Variants in ACSF3 observed in about 807,000 individuals in gnomAD.
ACSF3 encodes the protein malonate--CoA ligase ACSF3, mitochondrial.
Under a neutral mutation model 53.2 loss-of-function variants are expected in ACSF3, and 78 were observed. That is an observed-to-expected ratio of 1.47 (90% CI 1.22 to 1.77). ACSF3 has a LOEUF of 1.77. Among genes scored for constraint, ACSF3 ranks in the 40% most tolerant of loss-of-function variants. ACSF3 has a pLI of 0.00. For synonymous variants in ACSF3, 414 were observed against 333.1 expected (o/e 1.24, Z -2.65); for missense variants, 937 against 771.1 (o/e 1.22, Z -2.55).
rs188803327 is a variant in ACSF3 at position 89,154,610 on chromosome 16, C to T, written c.*403C>T. Reference sequence around the variant, plus strand: ...ACAAGCCCCTGTCCCACGCCGTCTGCACGTGCCTGTGCCTCACCCAGAGCC... The same window carrying T: ...ACAAGCCCCTGTCCCACGCCGTCTGTACGTGCCTGTGCCTCACCCAGAGCC... On this transcript the variant is annotated 3_prime_UTR_variant, in exon 11 of 11. Transcript: ENST00000614302. 752 of 455,890 alleles carry T rather than the reference C, an allele frequency of 1.6e-3. 3 individuals carry two copies. Among genetic ancestry groups the T allele is most frequent in the African/African-American group, 0.014 (680 of 50,186 alleles). 28.2% of individuals were successfully genotyped at this position (455,890 alleles called of 1,614,324 possible).
intron 4 of ACSF3, among the ~76,000 whole-genome samples, chr16:89,105,825 C>T (rs1237702771): frequency 6.6e-5 from 10 of 152,140 alleles, no homozygotes; most frequent in Non-Finnish European, 1.3e-4. Context: ...TTGGTTCCAT[C>T]GTCCCGGAGG....
chr16:89,151,377 G>A (rs916547362), intron 10 of ACSF3: 1 of 370,840 alleles, frequency 2.7e-6, no homozygotes, highest in Non-Finnish European at 5.3e-6. Flanking sequence ...AGAGTGGGGA[G>A]GAACACTTCC....
chr16:89,105,958 C>T (rs1975927604), intron 4 of ACSF3, among the ~76,000 whole-genome samples: 1 of 152,222 alleles, frequency 6.6e-6, no homozygotes, highest in Non-Finnish European at 1.5e-5. Context: ...GCTGCTTCTC[C>T]AGCACTGCAT....
At position 89,120,465 on chromosome 16, in the gene ACSF3, G is replaced by C. The variant is rs1016027592; in HGVS notation, c.1127-336G>C. ...ATGACACCAGAATCTGTGGGCAGCTGTGAGGCTTTGGGAAGTAACTGGGAA... is the reference window on the plus strand; with the variant it reads ...ATGACACCAGAATCTGTGGGCAGCTCTGAGGCTTTGGGAAGTAACTGGGAA... On this transcript the variant is annotated intron_variant, in intron 6 of 10. Coordinates refer to ENST00000614302, the MANE Select transcript of ACSF3 (RefSeq NM_001243279.3). Among the ~76,000 whole-genome samples, 3 of 152,244 alleles carry C rather than the reference G, an allele frequency of 2.0e-5. No individual in the cohort carries two copies. In the East Asian group the frequency reaches 5.8e-4, roughly 29 times the overall value.
chr16:89,100,497 T>G, intron 2 of ACSF3, 165 bp from the exon 3 acceptor site: 1 of 671,098 alleles, frequency 1.5e-6, no homozygotes. Flanking sequence ...GTTCCAGCAG[T>G]GTGGGTGAGA....
At chr16:89,099,028 A>T (rs904473346) in intron 2 of ACSF3, among the ~76,000 whole-genome samples, 6 of 152,388 alleles carry the variant, frequency 3.9e-5, no homozygotes, top group Middle Eastern at 3.4e-3. Context: ...CAGAGCCCAG[A>T]GGGTGCTTCC....
Position 89,102,769 on chromosome 16 carries a change from G to A in ACSF3, c.822+10G>A, listed in dbSNP as rs771232327. ...GTTCAGCCCTCAGCAGGTGAGTTGG[G>A]GTCAGGGCTCTCGGTTGCACCCTCA... is the stretch of plus-strand genomic sequence containing the variant. On this transcript the variant is annotated intron_variant, in intron 4 of 10. Coordinates refer to ENST00000614302, the MANE Select transcript of ACSF3 (RefSeq NM_001243279.3). 6.2e-7 allele frequency: 1 copy of A among 1,603,392 alleles called. No individual in the cohort carries two copies. The highest frequency in any genetic ancestry group is 8.5e-7 in the Non-Finnish European group (1 of 1,174,668).
chr16:89,120,987 C>T, intron 7 of ACSF3, 74 bp downstream of exon 7: 2 of 1,330,800 alleles, frequency 1.5e-6, no homozygotes, highest in South Asian at 2.4e-5. Context: ...TACACTGGTG[C>T]ATCTTTCCCC....
intron 10 of ACSF3, among the ~76,000 whole-genome samples, chr16:89,147,118 C>T (rs137920573): frequency 3.4e-5 from 5 of 146,198 alleles, no homozygotes; most frequent in African/African-American, 5.1e-5. Context: ...CCTACATGGC[C>T]GGAGCAGGAG....
chr16:89,094,746 T>TG (rs1436365753), intron 1 of ACSF3, among the ~76,000 whole-genome samples: 1 of 152,032 alleles, frequency 6.6e-6, no homozygotes, highest in Non-Finnish European at 1.5e-5. Context: ...AATGTAAAAA[T>TG]TAGCTGGGTG....
chr16:89,104,005 G>C (rs1975680353), intron 4 of ACSF3, among the ~76,000 whole-genome samples: 1 of 152,212 alleles, frequency 6.6e-6, no homozygotes, highest in African/African-American at 2.4e-5. Context: ...CTGTCAGTTG[G>C]GGATGGCGGT....
chr16:89,109,366 T>TTCAG (rs373117771), intron 4 of ACSF3, among the ~76,000 whole-genome samples: 171 of 151,136 alleles, frequency 1.1e-3, no homozygotes, highest in African/African-American at 3.8e-3. Flanking sequence ...TGTCACTGGC[T>TTCAG]TCAGTTTGCG....
chr16:89,099,624 A>G (rs995002042), intron 2 of ACSF3, among the ~76,000 whole-genome samples: 1 of 152,068 alleles, frequency 6.6e-6, no homozygotes, highest in African/African-American at 2.4e-5. Context: ...TCTACTAACA[A>G]TACAAAAATT....
intron 10 of ACSF3, among the ~76,000 whole-genome samples, chr16:89,147,181 GGA>G (rs1913135933): frequency 1.1e-5 from 1 of 92,764 alleles, no homozygotes; most frequent in African/African-American, 4.2e-5. Context: ...GTCCACAGAG[GGA>G]GGGAGGGTCC....
intron 7 of ACSF3, chr16:89,122,311 A>G: frequency 1.1e-5 from 4 of 354,348 alleles, no homozygotes; most frequent in South Asian, 8.2e-5. Flanking sequence ...GCCATGGGGC[A>G]ACTTGCTGAA....
rs532708853 is a variant in ACSF3, at chr16:89,135,785, T to C, written c.1366+2523T>C. On this transcript the variant is annotated intron_variant, in intron 8 of 10. Transcript: ENST00000614302. ...GCAGTTGTTTTATTTATTTAGTTAG[T>C]TATTTTTGAGACGGAGTCTCGCTCT... Among the ~76,000 whole-genome samples, 13 of 152,356 alleles carry C rather than the reference T, an allele frequency of 8.5e-5. No individual in the cohort carries two copies. In the South Asian group the frequency reaches 2.5e-3, roughly 29 times the overall value.
intron 10 of ACSF3, chr16:89,151,094 C>G (rs769916386): frequency 7.9e-7 from 1 of 1,263,272 alleles, no homozygotes; most frequent in South Asian, 1.2e-5. Flanking sequence ...AACGAAACCT[C>G]GCCTCAGGCA....
chr16:89,100,881 C>G lies in ACSF3; in HGVS notation c.200C>G (p.Thr67Arg). ...IALVDQHGRHTYRELYSRSLR... is the reference protein window; with the variant it reads ...IALVDQHGRHRYRELYSRSLR... ...CTGGTTGACCAGCACGGCCGCCACA[C>G]GTACAGGGAGCTTTATTCCCGCAGC... is the stretch of plus-strand genomic sequence containing the variant. Residue 67 changes from threonine (T) to arginine (R), a missense_variant, in exon 3 of 11, where the codon ACG (threonine) becomes AGG (arginine). By Grantham distance (71) the Thr-to-Arg change is moderately conservative (BLOSUM62 -1). Coordinates refer to ENST00000614302, the MANE Select transcript of ACSF3 (RefSeq NM_001243279.3). 1.2e-6 allele frequency: 2 copies of G among 1,613,816 alleles called. No homozygotes were observed. The highest frequency in any genetic ancestry group is 2.2e-5 in the East Asian group (1 of 44,892).
At chr16:89,101,896 G>T (rs1236717462) in intron 3 of ACSF3, among the ~76,000 whole-genome samples, 1 of 152,214 alleles carries the variant, frequency 6.6e-6, no homozygotes, top group Admixed American at 6.5e-5. Context: ...GTCGTGGGCT[G>T]ACGAGGCGCC....
Sources: allele counts gnomAD v4.1 joint callset (sites outside exome capture counted in the v4.1 genomes callset), GRCh38; gene constraint gnomAD v4.1.1; transcripts MANE v1.5; gene names NCBI Gene and HGNC (gene_info 2026-07-23, HGNC 2026-07-21).